ENTREP1: variants seen among roughly 807,000 people sequenced by gnomAD.
ENTREP1 encodes endosomal transmembrane epsin interactor 1.
the ENTREP1 span, among the ~76,000 whole-genome samples, chr9:69,326,678 A>G: frequency 2.0e-3 from 311 of 152,226 alleles, 4 homozygotes; most frequent in Middle Eastern, 6.8e-3. Context: ...TGGAATGACT[A>G]TGGAAGATGA....
chr9:69,385,922 T>C, the ENTREP1 span: 1 of 1,612,056 alleles, frequency 6.2e-7, no homozygotes, highest in Non-Finnish European at 8.5e-7. Context: ...AGAGTGACCC[T>C]GTGCTCCATC....
chr9:69,385,504 A>G, the ENTREP1 span, among the ~76,000 whole-genome samples: 21 of 49,864 alleles, frequency 4.2e-4, no homozygotes, highest in African/African-American at 1.0e-3. Flanking sequence ...CACCTTTAGG[A>G]AAAAAAAACC....
At chr9:69,382,889 T>G in the ENTREP1 span, 1 of 314,156 alleles carries the variant, frequency 3.2e-6, no homozygotes, top group Non-Finnish European at 4.6e-6. Context: ...TTTCTTTCAT[T>G]CTTTGATACT....
the ENTREP1 span, among the ~76,000 whole-genome samples, chr9:69,349,318 G>C: frequency 6.6e-6 from 1 of 151,808 alleles, no homozygotes; most frequent in Non-Finnish European, 1.5e-5. Context: ...GCTGATTCAT[G>C]TGGTAACTAC....
chr9:69,359,970 CTTTT>C, the ENTREP1 span, among the ~76,000 whole-genome samples: 1 of 128,584 alleles, frequency 7.8e-6, no homozygotes. Context: ...TCTTATTTTG[CTTTT>C]TTTTTTTTTT....
the ENTREP1 span, chr9:69,387,885 G>C: frequency 7.3e-7 from 1 of 1,374,096 alleles, no homozygotes; most frequent in Non-Finnish European, 9.6e-7. Flanking sequence ...TTTGCATTCT[G>C]GATTCTCCTC....
chr9:69,371,002 T>G, the ENTREP1 span, among the ~76,000 whole-genome samples: 5 of 152,184 alleles, frequency 3.3e-5, no homozygotes, highest in African/African-American at 1.2e-4. Flanking sequence ...TGTGTGCATA[T>G]TCTTTAGTAC....
At chr9:69,352,657 G>A in the ENTREP1 span, among the ~76,000 whole-genome samples, 2 of 152,196 alleles carry the variant, frequency 1.3e-5, no homozygotes, top group Non-Finnish European at 2.9e-5. Flanking sequence ...CTGGGCTGCA[G>A]TTCCAGAAGG....
chr9:69,337,885 A>C, the ENTREP1 span, among the ~76,000 whole-genome samples: 1 of 152,182 alleles, frequency 6.6e-6, no homozygotes, highest in South Asian at 2.1e-4. Flanking sequence ...TATATGCTTA[A>C]TAGTTCATCT....
the ENTREP1 span, chr9:69,388,500 G>T: frequency 7.1e-6 from 10 of 1,418,348 alleles, no homozygotes; most frequent in Non-Finnish European, 9.5e-6. Context: ...CATTTTCATA[G>T]CAGCTAAAGT....
the ENTREP1 span, chr9:69,371,623 AAACATC>A: frequency 6.5e-7 from 1 of 1,535,722 alleles, no homozygotes; most frequent in South Asian, 1.1e-5. Context: ...AGCAGTCCTA[AAACATC>A]ACTGTGCATC....
At chr9:69,355,687 C>G in the ENTREP1 span, among the ~76,000 whole-genome samples, 11 of 152,306 alleles carry the variant, frequency 7.2e-5, no homozygotes, top group Admixed American at 2.0e-4. Context: ...TGGCGTCTCT[C>G]ATGTGATTGC....
At chr9:69,353,625 A>G in the ENTREP1 span, among the ~76,000 whole-genome samples, 1 of 152,162 alleles carries the variant, frequency 6.6e-6, no homozygotes. Flanking sequence ...AAATTTCCCC[A>G]CTTGGTTCAC....
At chr9:69,368,065 A>G in the ENTREP1 span, among the ~76,000 whole-genome samples, 1 of 150,710 alleles carries the variant, frequency 6.6e-6, no homozygotes, top group Admixed American at 6.6e-5. Context: ...AGACTACTGA[A>G]TTTATTTATC....
chr9:69,340,746 TTTGTG>T, the ENTREP1 span, among the ~76,000 whole-genome samples: 11 of 129,110 alleles, frequency 8.5e-5, no homozygotes, highest in African/African-American at 3.0e-4. Flanking sequence ...TGTGTGTGTG[TTTGTG>T]TGTGTGCGTG....
At chr9:69,340,662 TGTGC>T in the ENTREP1 span, among the ~76,000 whole-genome samples, 6 of 112,376 alleles carry the variant, frequency 5.3e-5, no homozygotes, top group Non-Finnish European at 9.5e-5. Flanking sequence ...CATGTGTGTG[TGTGC>T]GTGTGTGTGT....
the ENTREP1 span, among the ~76,000 whole-genome samples, chr9:69,331,110 A>G: frequency 1.5e-4 from 23 of 152,190 alleles, no homozygotes; most frequent in African/African-American, 5.1e-4. Flanking sequence ...CACATTTTTT[A>G]AAAAGTTGCC....
the ENTREP1 span, chr9:69,324,748 C>A: frequency 2.5e-5 from 25 of 985,588 alleles, no homozygotes; most frequent in African/African-American, 4.0e-4. Context: ...AGGCATCCCC[C>A]TCCTTGGGCA....
chr9:69,347,014 G>A, the ENTREP1 span, among the ~76,000 whole-genome samples: 120,557 of 151,808 alleles, frequency 0.79, 47,985 homozygotes, highest in South Asian at 0.87. Flanking sequence ...GGCTACACCT[G>A]GGGATTCTAA....
Sources: gnomAD v4.1 joint callset for allele counts (sites outside exome capture counted in the v4.1 genomes callset) on GRCh38, gnomAD v4.1.1 for gene constraint, MANE v1.5 for transcripts, NCBI Gene and HGNC (gene_info 2026-07-23, HGNC 2026-07-21) for gene names.